The following CCDC88A variants were observed in gnomAD, a reference collection of about 807,000 sequenced individuals.
The protein encoded by CCDC88A is coiled-coil and HOOK domain protein 88A, also known as girdin.
A neutral mutation model predicts 234.3 loss-of-function variants in CCDC88A; 54 were observed. That is an observed-to-expected ratio of 0.23 (90% confidence interval 0.19 to 0.29). The LOEUF (loss-of-function observed/expected upper bound fraction) is 0.29, where lower values mean the gene tolerates loss of function less well. CCDC88A is among the 10% of genes least tolerant of loss of function. CCDC88A has a pLI of 1.00. For missense variants in CCDC88A, 1,832 were observed against 2,123.4 expected (o/e 0.86, Z 2.70); for synonymous variants, 753 against 737.8 (o/e 1.02, Z -0.33).
At chr2:55,349,768 A>G (rs957324061) in intron 8 of CCDC88A, 169 bp from the exon 9 acceptor site, 1 of 505,834 alleles carries the variant, frequency 2.0e-6, no homozygotes, top group Non-Finnish European at 3.4e-6. Context: ...GAATTTATAT[A>G]ATTAGATGCC....
At chr2:55,316,265 A>G (rs1682967796) in intron 21 of CCDC88A, 151 bp from the exon 22 acceptor site, 1 of 405,238 alleles carries the variant, frequency 2.5e-6, no homozygotes, top group South Asian at 1.2e-4. Context: ...ATCAGTTTCT[A>G]TTCTGTAAAA....
chr2:55,364,585 C>T (rs1290212455), intron 5 of CCDC88A, among the ~76,000 whole-genome samples: 1 of 152,016 alleles, frequency 6.6e-6, no homozygotes, highest in Non-Finnish European at 1.5e-5. Context: ...ACATTTATAA[C>T]ATAATCTAAT....
At chr2:55,305,205 C>T (rs1161931054) in intron 25 of CCDC88A, among the ~76,000 whole-genome samples, 1 of 152,168 alleles carries the variant, frequency 6.6e-6, no homozygotes, top group African/African-American at 2.4e-5. Flanking sequence ...TTTCCAAGGA[C>T]TGCTTTACTG....
chr2:55,391,534 A>G (rs1676643384), intron 2 of CCDC88A, among the ~76,000 whole-genome samples: 1 of 152,218 alleles, frequency 6.6e-6, no homozygotes, highest in African/African-American at 2.4e-5. Context: ...GGATTTAAAG[A>G]AAGACATGAA....
chr2:55,371,656 T>C (rs1018465951), intron 5 of CCDC88A, among the ~76,000 whole-genome samples: 3 of 152,170 alleles, frequency 2.0e-5, no homozygotes, highest in East Asian at 1.9e-4. Context: ...GTAATTATTA[T>C]ATGTATTTAA....
chr2:55,294,816 G>A, intron 31 of CCDC88A: 1 of 1,025,854 alleles, frequency 9.7e-7, no homozygotes. Flanking sequence ...GGAGGAGCAT[G>A]TATGGTTAAG....
chr2:55,414,609 T>A (rs1681038400), intron 2 of CCDC88A, among the ~76,000 whole-genome samples: 1 of 152,156 alleles, frequency 6.6e-6, no homozygotes, highest in Non-Finnish European at 1.5e-5. Context: ...AAATCTCAAG[T>A]CAGTGAAAAG....
rs776991429 is a variant in CCDC88A, at chr2:55,346,200, A to G, written c.1016T>C (p.Ile339Thr). The G allele has an allele frequency of 4.9e-5, 79 of 1,606,286 alleles. No homozygotes were observed. Among genetic ancestry groups the G allele is most frequent in the Middle Eastern group, 3.3e-4 (2 of 6,042 alleles). The change falls in exon 10 of 33, where the codon ATT (isoleucine) becomes ACT (threonine). Residue 339 changes from isoleucine to threonine, a missense_variant. By Grantham distance (89) the Ile-to-Thr change is moderately conservative. Coordinates refer to ENST00000436346, the MANE Select transcript of CCDC88A (RefSeq NM_001365480.1). ...VSRYKERLHD[I>T]EFYKARVEEL... ...CTCAACTCTTGCCTTATAAAATTCA[A>G]TATCATGTAGTCTCTCTTTATATCT...
At chr2:55,361,016 A>G (rs12713292) in intron 7 of CCDC88A, among the ~76,000 whole-genome samples, 74,903 of 151,926 alleles carry the variant, frequency 0.49, 20,549 homozygotes, top group East Asian at 0.85. Flanking sequence ...AACCTGGGAG[A>G]CGGGGGTTGC....
intron 3 of CCDC88A, among the ~76,000 whole-genome samples, chr2:55,383,523 C>A (rs746774761): frequency 6.6e-6 from 1 of 150,912 alleles, no homozygotes; most frequent in Admixed American, 6.6e-5. Flanking sequence ...CTCAGGAAGC[C>A]GAGGCAGGAG....
rs773431055 is a variant in CCDC88A at position 55,343,682 on chromosome 2, C to T, written c.1299G>A (p.Leu433=). Residue 433 remains leucine, a synonymous_variant, in exon 12 of 33, where the codon CTG becomes CTA. Coordinates refer to ENST00000436346, the MANE Select transcript of CCDC88A (RefSeq NM_001365480.1). ...GTTCACTAGTTCTGGATATCTGTTCCAGTTCCCAGCCAAGATGTAATGATT... is the reference window on the plus strand; with the variant it reads ...GTTCACTAGTTCTGGATATCTGTTCTAGTTCCCAGCCAAGATGTAATGATT... The part of the protein sequence containing the change: ...MDESLHLGWE[L]EQISRTSELS... 6.2e-7 allele frequency: 1 copy of T among 1,610,796 alleles called. No homozygotes were observed. The highest frequency in any genetic ancestry group is 2.2e-5 in the East Asian group (1 of 44,706).
At chr2:55,414,545 T>C (rs1485696646) in intron 2 of CCDC88A, among the ~76,000 whole-genome samples, 1 of 152,192 alleles carries the variant, frequency 6.6e-6, no homozygotes, top group Non-Finnish European at 1.5e-5. Flanking sequence ...TAACAGAGAT[T>C]ATTTGCTTCA....
intron 17 of CCDC88A, among the ~76,000 whole-genome samples, chr2:55,325,629 C>CTATA (rs1365267488): frequency 6.6e-6 from 1 of 152,132 alleles, no homozygotes; most frequent in Non-Finnish European, 1.5e-5. Context: ...AGTGATTAGT[C>CTATA]TATAGGCTGT....
Position 55,322,645 on chromosome 2 carries a change from C to T in CCDC88A, c.3045G>A (p.Arg1015=), listed in dbSNP as rs750418818. The T allele has an allele frequency of 1.9e-6, 3 of 1,586,370 alleles. No homozygotes were observed. The South Asian group carries it at 3.6e-5, about 19-fold the overall frequency. Reference sequence around the variant, plus strand: ...ATATTGGAGGAGAGCTCTGTACCATCCTTTCCTCATCTTGTCTCTGTTTGA... The same window carrying T: ...ATATTGGAGGAGAGCTCTGTACCATTCTTTCCTCATCTTGTCTCTGTTTGA... The part of the protein sequence containing the change: ...EALKQRQDEE[R]MVQSSPPISG... Residue 1015 remains arginine, a synonymous_variant, in exon 18 of 33, where the codon AGG becomes AGA. Coordinates refer to ENST00000436346, the MANE Select transcript of CCDC88A (RefSeq NM_001365480.1).
At position 55,296,442 on chromosome 2, in the gene CCDC88A, G is replaced by A. The variant is rs775629663; in HGVS notation, c.4907C>T (p.Ser1636Phe). The A allele has an allele frequency of 1.2e-6, 2 of 1,614,200 alleles. No homozygotes were observed. The highest frequency in any genetic ancestry group is 1.7e-5 in the Admixed American group (1 of 60,020). The change falls in exon 30 of 33, where the codon TCC becomes TTC. Residue 1636 changes from serine (S) to phenylalanine (F), a missense_variant. Physicochemically the swap from Ser to Phe is radical, Grantham distance 155. Coordinates refer to ENST00000436346, the MANE Select transcript of CCDC88A (RefSeq NM_001365480.1). ...CTGGATTGGACTGCTACCACTGCTG[G>A]ACCAAGCCTCATGGTCATGAAGCAG... is the stretch of plus-strand genomic sequence containing the variant. Reference protein sequence around the residue: ...FSLLHDHEAWSSSGSSPIQYL... With the variant: ...FSLLHDHEAWFSSGSSPIQYL...
rs1679254586 is a variant in CCDC88A, at chr2:55,288,971, TG to T, written c.*2228del. ...TGTCTAGTCGTTTCTTGAAATGGTA[TG>T]AAAAAAGTGTGATGAATATAATTGA... On this transcript the variant is annotated 3_prime_UTR_variant, in exon 33 of 33. Transcript: ENST00000436346. 6.6e-6 allele frequency: 1 copy of T among 152,296 alleles called. No homozygotes were observed. Among genetic ancestry groups the T allele is most frequent in the Admixed American group, 6.5e-5 (1 of 15,282 alleles). The allele number at this position is 152,296 out of a possible 1,614,324, so 9.4% of individuals were successfully genotyped here. A position where few individuals can be genotyped will look rare whatever the true frequency, so the allele number is the denominator to read the frequency against.
chr2:55,413,673 T>C (rs977291342), intron 2 of CCDC88A, among the ~76,000 whole-genome samples: 16 of 151,974 alleles, frequency 1.1e-4, no homozygotes, highest in Non-Finnish European at 2.2e-4. Context: ...GCCTAGTCAA[T>C]AGAGTCAAGC....
chr2:55,291,788 A>T lies in CCDC88A; in HGVS notation c.5552-13T>A, dbSNP rs1013244030. Reference sequence around the variant, plus strand: ...ACTTTGTCCACATCTGCAGGAGAAAAGCATTTCATGTTATTTAGTCAAAGA... The same window carrying T: ...ACTTTGTCCACATCTGCAGGAGAAATGCATTTCATGTTATTTAGTCAAAGA... On this transcript the variant is annotated splice_polypyrimidine_tract_variant and intron_variant, in intron 31 of 32. Transcript: ENST00000436346. 6.2e-7 allele frequency: 1 copy of T among 1,603,956 alleles called. No individual in the cohort carries two copies. Among genetic ancestry groups the T allele is most frequent in the African/African-American group, 1.3e-5 (1 of 74,556 alleles).
intron 4 of CCDC88A, among the ~76,000 whole-genome samples, chr2:55,372,711 T>C (rs1673018547): frequency 6.6e-6 from 1 of 152,168 alleles, no homozygotes; most frequent in Non-Finnish European, 1.5e-5. Flanking sequence ...AGAATATCAA[T>C]TTTGAAGGGC....
Sources: allele counts gnomAD v4.1 joint callset (sites outside exome capture counted in the v4.1 genomes callset), GRCh38; gene constraint gnomAD v4.1.1; transcripts MANE v1.5; gene names NCBI Gene and HGNC (gene_info 2026-07-23, HGNC 2026-07-21).